The following GMDS variants were observed in gnomAD, a reference collection of about 807,000 sequenced individuals.
GMDS encodes GDP-mannose 4,6 dehydratase.
A neutral mutation model predicts 49.9 loss-of-function variants in GMDS; 20 were observed. The observed-to-expected ratio is 0.40, with a 90% CI of 0.28 to 0.58. GMDS has a LOEUF of 0.58. Among genes scored for constraint, GMDS ranks in the 20% least tolerant of loss-of-function variants. The pLI, the probability that GMDS is intolerant of heterozygous loss-of-function variation, is 0.42. For missense variants in GMDS, 362 were observed against 481.4 expected (o/e 0.75, Z 2.32); for synonymous variants, 177 against 178.6 (o/e 0.99, Z 0.07).
At chr6:1,812,166 A>G (rs1295764550) in intron 7 of GMDS, among the ~76,000 whole-genome samples, 1 of 152,198 alleles carries the variant, frequency 6.6e-6, no homozygotes, top group Non-Finnish European at 1.5e-5. Context: ...CAGAGGCAAC[A>G]TTTTAGAGGA....
At chr6:1,820,403 A>G (rs1770842414) in intron 7 of GMDS, among the ~76,000 whole-genome samples, 1 of 152,304 alleles carries the variant, frequency 6.6e-6, no homozygotes, top group Admixed American at 6.5e-5. Flanking sequence ...ACAAAGTTCA[A>G]ATGTAGCTAT....
At chr6:1,816,469 C>T (rs531157396) in intron 7 of GMDS, among the ~76,000 whole-genome samples, 143 of 152,246 alleles carry the variant, frequency 9.4e-4, no homozygotes, top group African/African-American at 2.8e-3. Context: ...CAACAAAATA[C>T]CACCATTAAT....
At chr6:1,769,326 C>T (rs926423215) in intron 7 of GMDS, among the ~76,000 whole-genome samples, 2 of 152,202 alleles carry the variant, frequency 1.3e-5, no homozygotes, top group African/African-American at 4.8e-5. Context: ...ACTGGGGTAA[C>T]AAATTCTCTC....
At chr6:1,641,567 G>A (rs1305713844) in intron 9 of GMDS, among the ~76,000 whole-genome samples, 3 of 152,222 alleles carry the variant, frequency 2.0e-5, no homozygotes, top group African/African-American at 7.2e-5. Flanking sequence ...TTAGCACTGG[G>A]GAAGGGCGGA....
rs1758341822 is a variant in GMDS, at chr6:1,864,380, C to T, written c.771+65723G>A. On this transcript the variant is annotated intron_variant, in intron 7 of 10. Transcript: ENST00000380815. Reference sequence around the variant, plus strand: ...TAATAAAACAGCCCTCCATTCTTACCTTCAAACATTAAAATTATTGAGCTA... The same window carrying T: ...TAATAAAACAGCCCTCCATTCTTACTTTCAAACATTAAAATTATTGAGCTA... Among the ~76,000 whole-genome samples the T allele has an allele frequency of 2.6e-5, 4 of 152,144 alleles. No individual in the cohort carries two copies. The South Asian group carries it at 8.3e-4, about 32-fold the overall frequency.
chr6:1,967,565 T>C (rs1764332841), intron 4 of GMDS, among the ~76,000 whole-genome samples: 1 of 152,104 alleles, frequency 6.6e-6, no homozygotes, highest in Non-Finnish European at 1.5e-5. Context: ...ATAACAATAG[T>C]TTTCACAGTT....
At chr6:1,772,749 A>G (rs1026708087) in intron 7 of GMDS, among the ~76,000 whole-genome samples, 52 of 152,312 alleles carry the variant, frequency 3.4e-4, no homozygotes, top group African/African-American at 1.2e-3. Context: ...AAACGTAAAA[A>G]ACAAAAACAA....
intron 9 of GMDS, among the ~76,000 whole-genome samples, chr6:1,695,463 A>C (rs1765305741): frequency 6.6e-6 from 1 of 152,232 alleles, no homozygotes. Flanking sequence ...TGAATGGTTC[A>C]ACTGTGTGTC....
chr6:1,735,288 C>A (rs1415706946), intron 8 of GMDS, among the ~76,000 whole-genome samples: 2 of 152,240 alleles, frequency 1.3e-5, no homozygotes, highest in African/African-American at 4.8e-5. Context: ...CCGCTAGGTG[C>A]CAGCCAGTAA....
intron 1 of GMDS, among the ~76,000 whole-genome samples, chr6:2,229,924 A>G (rs1781000120): frequency 6.6e-6 from 1 of 152,224 alleles, no homozygotes; most frequent in African/African-American, 2.4e-5. Flanking sequence ...CTAGAGCCCC[A>G]GGGAAGCAGC....
intron 9 of GMDS, among the ~76,000 whole-genome samples, chr6:1,699,470 C>T (rs781152430): frequency 2.6e-5 from 4 of 152,030 alleles, no homozygotes. Flanking sequence ...TAAAACAATA[C>T]GTGTCGATCC....
chr6:2,171,250 C>T (rs1413872620), intron 1 of GMDS, among the ~76,000 whole-genome samples: 1 of 152,024 alleles, frequency 6.6e-6, no homozygotes, highest in African/African-American at 2.4e-5. Flanking sequence ...TACACATATT[C>T]AAAAGATTAA....
chr6:1,685,089 CA>C (rs1388537438), intron 9 of GMDS, among the ~76,000 whole-genome samples: 1 of 151,508 alleles, frequency 6.6e-6, no homozygotes, highest in African/African-American at 2.4e-5. Context: ...CACCTTGAGA[CA>C]CTTGAATTAA....
chr6:1,809,773 G>GA (rs1052468827), intron 7 of GMDS, among the ~76,000 whole-genome samples: 1 of 152,110 alleles, frequency 6.6e-6, no homozygotes, highest in African/African-American at 2.4e-5. Flanking sequence ...TGGTATAAAA[G>GA]AAAAGAGAAT....
chr6:1,871,133 C>T (rs897353889), intron 7 of GMDS, among the ~76,000 whole-genome samples: 8 of 151,572 alleles, frequency 5.3e-5, no homozygotes, highest in Non-Finnish European at 1.0e-4. Flanking sequence ...GGAGAGTTAA[C>T]GAGTACCAAG....
At chr6:1,803,302 C>T (rs182116066) in intron 7 of GMDS, among the ~76,000 whole-genome samples, 6 of 152,236 alleles carry the variant, frequency 3.9e-5, no homozygotes, top group Non-Finnish European at 8.8e-5. Flanking sequence ...AAAAATAAGA[C>T]TGTTTTGCAG....
chr6:1,943,872 A>G (rs2127264956), intron 6 of GMDS, among the ~76,000 whole-genome samples: 1 of 152,294 alleles, frequency 6.6e-6, no homozygotes, highest in Middle Eastern at 3.4e-3. Flanking sequence ...AAGGATAAAA[A>G]CTTTCTGTTG....
intron 1 of GMDS, among the ~76,000 whole-genome samples, chr6:2,164,394 A>G (rs999615482): frequency 1.3e-5 from 2 of 152,194 alleles, no homozygotes; most frequent in African/African-American, 4.8e-5. Context: ...CTAAAAACAG[A>G]GCCGTGGTAA....
chr6:1,742,809 G>A (rs138633625), intron 7 of GMDS, among the ~76,000 whole-genome samples: 152 of 152,306 alleles, frequency 1.0e-3, no homozygotes, highest in African/African-American at 3.5e-3. Context: ...GTAGAGGGGT[G>A]GGCTCAGAGG....
Sources: allele counts gnomAD v4.1 joint callset (sites outside exome capture counted in the v4.1 genomes callset), GRCh38; gene constraint gnomAD v4.1.1; transcripts MANE v1.5; gene names NCBI Gene and HGNC (gene_info 2026-07-23, HGNC 2026-07-21).